Variants in KCNIP4 observed in about 807,000 individuals in gnomAD.
KCNIP4 encodes Kv channel-interacting protein 4.
KCNIP4 carries 12 observed loss-of-function variants against 34.0 expected under a neutral mutation model. The observed-to-expected ratio is 0.35, with a 90% confidence interval of 0.23 to 0.57. The LOEUF is 0.57. KCNIP4 is among the 20% of genes least tolerant of loss of function. The probability of loss-of-function intolerance (pLI) is 0.83; values close to 1 mark genes in which losing one functional copy is unlikely to be tolerated. For synonymous variants in KCNIP4, 124 were observed against 102.2 expected (o/e 1.21, Z -1.29); for missense variants, 238 against 311.7 (o/e 0.76, Z 1.78).
chr4:21,799,573 G>T (rs1720862900), intron 1 of KCNIP4, among the ~76,000 whole-genome samples: 1 of 152,056 alleles, frequency 6.6e-6, no homozygotes, highest in African/African-American at 2.4e-5. Context: ...CTTTCAAATT[G>T]CTTAGTTATG....
intron 1 of KCNIP4, among the ~76,000 whole-genome samples, chr4:21,535,343 A>G (rs73801664): frequency 0.077 from 11,764 of 152,200 alleles, 715 homozygotes; most frequent in South Asian, 0.21. Context: ...TAAATAAGGT[A>G]TTTTCGACAT....
Position 21,355,069 on chromosome 4 carries a change from T to C in KCNIP4, c.62-472360A>G, listed in dbSNP as rs1718429958. Among the ~76,000 whole-genome samples the C allele has an allele frequency of 4.6e-5, 7 of 152,140 alleles. 1 individual carries two copies. The South Asian group carries it at 1.5e-3, about 32-fold the overall frequency. ...GACGACTACTGGGTAAATAACAAAA[T>C]GAAGGCAGAAATAAATATGTTCTTT... is the stretch of plus-strand genomic sequence containing the variant. On this transcript the variant is annotated intron_variant, in intron 1 of 8. Coordinates refer to ENST00000382152, the MANE Select transcript of KCNIP4 (RefSeq NM_025221.6).
chr4:21,138,513 CTTCT>C (rs1272564692), intron 1 of KCNIP4, among the ~76,000 whole-genome samples: 1 of 134,698 alleles, frequency 7.4e-6, no homozygotes, highest in Non-Finnish European at 1.6e-5. Context: ...AGGTAAGGCA[CTTCT>C]TTCTTTTTCT....
chr4:21,752,572 T>C (rs996024276), intron 1 of KCNIP4, among the ~76,000 whole-genome samples: 3 of 151,706 alleles, frequency 2.0e-5, no homozygotes, highest in African/African-American at 7.3e-5. Context: ...CCATATCACA[T>C]GGGTACTAGA....
At chr4:21,482,437 CA>C (rs1284739598) in intron 1 of KCNIP4, among the ~76,000 whole-genome samples, 1 of 152,142 alleles carries the variant, frequency 6.6e-6, no homozygotes, top group Non-Finnish European at 1.5e-5. Flanking sequence ...CATGTTTTTG[CA>C]GTGCCTGGTA....
chr4:21,130,742 C>A (rs1428095750), intron 1 of KCNIP4, among the ~76,000 whole-genome samples: 1 of 152,048 alleles, frequency 6.6e-6, no homozygotes, highest in East Asian at 1.9e-4. Context: ...ATGTTGACTG[C>A]AATTAGATTT....
intron 1 of KCNIP4, among the ~76,000 whole-genome samples, chr4:21,922,047 C>A (rs1728967948): frequency 6.6e-6 from 1 of 152,172 alleles, no homozygotes; most frequent in Admixed American, 6.6e-5. Context: ...CTTCTCTGGC[C>A]TCTTTTCTCA....
chr4:21,490,006 C>T (rs1215641028), intron 1 of KCNIP4, among the ~76,000 whole-genome samples: 1 of 152,090 alleles, frequency 6.6e-6, no homozygotes, highest in East Asian at 1.9e-4. Context: ...CATAATGCTA[C>T]AGAAGAATTT....
At position 21,896,780 on chromosome 4, in the gene KCNIP4, G is replaced by A. The variant is rs887073595; in HGVS notation, c.61+51791C>T. The stretch of plus-strand genomic sequence containing the variant: ...CTAAAAATACAAAAATTAGCTGGGT[G>A]TGGTGGCTCACACCTGTAATCCTAG... On this transcript the variant is annotated intron_variant, in intron 1 of 8. Transcript: ENST00000382152. 6.6e-5 allele frequency among the ~76,000 whole-genome samples: 10 copies of A among 151,982 alleles called. No homozygotes were observed. In the South Asian group the frequency reaches 1.2e-3, roughly 19 times the overall value.
At chr4:21,184,293 GTTA>G (rs983995931) in intron 1 of KCNIP4, among the ~76,000 whole-genome samples, 12 of 152,094 alleles carry the variant, frequency 7.9e-5, no homozygotes, top group African/African-American at 2.9e-4. Flanking sequence ...TAAATAAATT[GTTA>G]TTATTATTTG....
intron 1 of KCNIP4, among the ~76,000 whole-genome samples, chr4:21,400,498 C>CT (rs1560369048): frequency 2.4e-4 from 34 of 142,792 alleles, no homozygotes; most frequent in African/African-American, 7.7e-4. Flanking sequence ...CTCTCCCCTC[C>CT]CTTCCCCTCC....
intron 1 of KCNIP4, among the ~76,000 whole-genome samples, chr4:21,646,597 T>A (rs2108961725): frequency 6.6e-6 from 1 of 152,324 alleles, no homozygotes; most frequent in East Asian, 1.9e-4. Flanking sequence ...AAAAATGTCC[T>A]GGTATTTACA....
chr4:21,150,158 C>T (rs1427175756), intron 1 of KCNIP4, among the ~76,000 whole-genome samples: 3 of 152,166 alleles, frequency 2.0e-5, no homozygotes, highest in Non-Finnish European at 4.4e-5. Context: ...AGACTTTTCA[C>T]AGGGCAGTGT....
chr4:21,706,059 A>AAG (rs1713240858), intron 1 of KCNIP4, among the ~76,000 whole-genome samples: 1 of 152,188 alleles, frequency 6.6e-6, no homozygotes, highest in African/African-American at 2.4e-5. Flanking sequence ...CATAATTAGG[A>AAG]AGAGAACTAT....
At chr4:21,774,214 T>C (rs1719020466) in intron 1 of KCNIP4, among the ~76,000 whole-genome samples, 1 of 152,150 alleles carries the variant, frequency 6.6e-6, no homozygotes, top group African/African-American at 2.4e-5. Flanking sequence ...TGGCTGGATA[T>C]GAAACGCCGG....
intron 1 of KCNIP4, among the ~76,000 whole-genome samples, chr4:21,055,152 T>C (rs538877768): frequency 1.3e-5 from 2 of 152,080 alleles, no homozygotes; most frequent in Admixed American, 1.3e-4. Context: ...AGATGGGAAA[T>C]AGCATATGAA....
chr4:21,645,839 C>T (rs769002956), intron 1 of KCNIP4, among the ~76,000 whole-genome samples: 8 of 151,906 alleles, frequency 5.3e-5, no homozygotes, highest in Admixed American at 6.6e-5. Flanking sequence ...CATTTTGCCA[C>T]TGGATACTAA....
At chr4:21,734,116 A>G (rs2109116820) in intron 1 of KCNIP4, among the ~76,000 whole-genome samples, 1 of 152,312 alleles carries the variant, frequency 6.6e-6, no homozygotes, top group South Asian at 2.1e-4. Context: ...AAATGTAATT[A>G]CCATGGGGAG....
intron 5 of KCNIP4, among the ~76,000 whole-genome samples, chr4:20,744,825 G>T (rs1045530066): frequency 6.6e-6 from 1 of 152,128 alleles, no homozygotes; most frequent in African/African-American, 2.4e-5. Flanking sequence ...GTGTGGACTT[G>T]TGTTGTTTGC....
Sources: gnomAD v4.1 joint callset for allele counts (sites outside exome capture counted in the v4.1 genomes callset) on GRCh38, gnomAD v4.1.1 for gene constraint, MANE v1.5 for transcripts, NCBI Gene and HGNC (gene_info 2026-07-23, HGNC 2026-07-21) for gene names.